Variants in ACACA observed in about 807,000 individuals in gnomAD.
ACACA encodes acetyl-CoA carboxylase 1.
A neutral mutation model predicts 296.1 loss-of-function variants in ACACA; 103 were observed. The observed-to-expected ratio is 0.35, with a 90% CI of 0.30 to 0.41. The LOEUF (loss-of-function observed/expected upper bound fraction) is 0.41, where lower values mean the gene tolerates loss of function less well. ACACA is among the 10% of genes least tolerant of loss of function. The pLI is 1.00. For missense variants in ACACA, 1,554 were observed against 2,989.7 expected (o/e 0.52, Z 11.20); for synonymous variants, 953 against 1,038.6 (o/e 0.92, Z 1.58).
chr17:37,181,173 T>C (rs2144867309), intron 40 of ACACA, 28 bp downstream of exon 40: 3 of 1,613,612 alleles, frequency 1.9e-6, no homozygotes, highest in African/African-American at 1.3e-5. Flanking sequence ...CCTTAGAACA[T>C]GTCAGACCCT....
At chr17:37,150,570 T>C (rs1186557365) in intron 44 of ACACA, among the ~76,000 whole-genome samples, 3 of 150,074 alleles carry the variant, frequency 2.0e-5, no homozygotes, top group Non-Finnish European at 3.0e-5. Flanking sequence ...TTGGGCAACA[T>C]AGTGAGACCC....
intron 1 of ACACA, among the ~76,000 whole-genome samples, chr17:37,364,472 T>A (rs4500789): frequency 0.17 from 24,997 of 150,636 alleles, 2,733 homozygotes; most frequent in Admixed American, 0.33. Flanking sequence ...CGGGCACCTA[T>A]AATCCCAGCT....
chr17:37,159,930 G>A (rs896030013), intron 42 of ACACA, among the ~76,000 whole-genome samples: 1 of 152,212 alleles, frequency 6.6e-6, no homozygotes, highest in African/African-American at 2.4e-5. Flanking sequence ...ATGAAGGAAT[G>A]ACCAACTGTG....
chr17:37,358,574 A>G (rs1349258267), intron 1 of ACACA, among the ~76,000 whole-genome samples: 1 of 152,158 alleles, frequency 6.6e-6, no homozygotes, highest in Non-Finnish European at 1.5e-5. Context: ...AATCAGACCC[A>G]ACCCGCAACG....
At chr17:37,235,524 A>G (rs1303430406) in intron 24 of ACACA, among the ~76,000 whole-genome samples, 1 of 152,184 alleles carries the variant, frequency 6.6e-6, no homozygotes, top group Admixed American at 6.5e-5. Context: ...AAATGTAAAT[A>G]TCATTAAACT....
chr17:37,146,285 A>G (rs1402171375), intron 45 of ACACA, among the ~76,000 whole-genome samples: 1 of 152,140 alleles, frequency 6.6e-6, no homozygotes. Context: ...CACACATGCA[A>G]TGTATTAAGT....
intron 42 of ACACA, chr17:37,161,559 G>A (rs572413278): frequency 3.3e-6 from 2 of 606,038 alleles, no homozygotes; most frequent in East Asian, 2.8e-5. Flanking sequence ...CAAAGAAACA[G>A]CAACCTGTTT....
At chr17:37,087,546 AT>A in intron 55 of ACACA, 107 bp from the exon 56 acceptor site, 1 of 1,366,042 alleles carries the variant, frequency 7.3e-7, no homozygotes, top group Non-Finnish European at 1.0e-6. Context: ...CACTGCAGAC[AT>A]TTTAGTCACG....
chr17:37,147,751 T>C (rs2075873981), intron 45 of ACACA, among the ~76,000 whole-genome samples: 1 of 152,208 alleles, frequency 6.6e-6, no homozygotes, highest in Non-Finnish European at 1.5e-5. Flanking sequence ...GAGCATTGTT[T>C]GGTAAGTTAA....
chr17:37,280,970 G>C (rs1317223249), intron 5 of ACACA, among the ~76,000 whole-genome samples: 1 of 151,820 alleles, frequency 6.6e-6, no homozygotes, highest in East Asian at 1.9e-4. Flanking sequence ...CTTTCTGTCT[G>C]GTACACCTTT....
In ACACA at chr17:37,281,663, C is replaced by T. The variant is rs185606264; in HGVS notation, c.610+1604G>A. Among the ~76,000 whole-genome samples the T allele has an allele frequency of 5.9e-4, 89 of 152,104 alleles. 2 individuals are homozygous for T. The East Asian group carries it at 0.016, about 28-fold the overall frequency. Reference sequence around the variant, plus strand: ...CAGGTGGATCACAAGGTCAAGATACCGAGACCATCCTGGCCAACATGGTGA... The same window carrying T: ...CAGGTGGATCACAAGGTCAAGATACTGAGACCATCCTGGCCAACATGGTGA... On this transcript the variant is annotated intron_variant, in intron 5 of 55. Coordinates refer to ENST00000616317, the MANE Select transcript of ACACA (RefSeq NM_198834.3).
chr17:37,260,296 ATTTTTTTTT>A (rs1165828702), intron 11 of ACACA, among the ~76,000 whole-genome samples: 217 of 18,962 alleles, frequency 0.011, 8 homozygotes, highest in African/African-American at 0.04. Context: ...ATATATATAT[ATTTTTTTTT>A]TTTTTTTTTT....
At chr17:37,251,691 T>A (rs1394446569) in intron 16 of ACACA, among the ~76,000 whole-genome samples, 1 of 152,204 alleles carries the variant, frequency 6.6e-6, no homozygotes, top group Non-Finnish European at 1.5e-5. Flanking sequence ...AATACCAGAT[T>A]TTTATCACCA....
At chr17:37,392,556 A>C (rs1392462998) in intron 1 of ACACA, 1 of 152,182 alleles carries the variant, frequency 6.6e-6, no homozygotes, top group African/African-American at 2.4e-5. Context: ...AGGAGGGATA[A>C]GACAGGGTGA....
intron 1 of ACACA, among the ~76,000 whole-genome samples, chr17:37,364,101 T>C (rs1421675600): frequency 6.7e-6 from 1 of 149,100 alleles, no homozygotes; most frequent in Non-Finnish European, 1.5e-5. Flanking sequence ...CTAGCCTGGG[T>C]GACAGAGTGA....
At chr17:37,242,120 A>G in intron 22 of ACACA, 67 bp from the exon 23 acceptor site, 1 of 1,186,360 alleles carries the variant, frequency 8.4e-7, no homozygotes, top group Non-Finnish European at 1.3e-6. Flanking sequence ...ATCAGCCTCT[A>G]TAGCACGACC....
At chr17:37,349,885 G>T (rs1216913869) in intron 1 of ACACA, among the ~76,000 whole-genome samples, 1 of 152,038 alleles carries the variant, frequency 6.6e-6, no homozygotes, top group Non-Finnish European at 1.5e-5. Context: ...ATTACAAAAG[G>T]GAAAAGTATC....
chr17:37,335,310 A>G (rs1376423389), intron 2 of ACACA, among the ~76,000 whole-genome samples: 1 of 152,186 alleles, frequency 6.6e-6, no homozygotes, highest in African/African-American at 2.4e-5. Context: ...GCACAGAAAT[A>G]AACACCACTT....
intron 10 of ACACA, among the ~76,000 whole-genome samples, chr17:37,270,425 T>C (rs1471495738): frequency 6.6e-6 from 1 of 152,174 alleles, no homozygotes; most frequent in East Asian, 1.9e-4. Flanking sequence ...CAGAAAGGTA[T>C]TGATTTTTCT....
Sources: gnomAD v4.1 joint callset for allele counts (sites outside exome capture counted in the v4.1 genomes callset) on GRCh38, gnomAD v4.1.1 for gene constraint, MANE v1.5 for transcripts, NCBI Gene and HGNC (gene_info 2026-07-23, HGNC 2026-07-21) for gene names.